FAM83H: variants seen among roughly 807,000 people sequenced by gnomAD.
FAM83H encodes the protein scaffolding CK1 anchoring protein H.
In FAM83H, 24 loss-of-function variants were observed where a neutral mutation model predicts 30.2. The observed-to-expected ratio is 0.79, with a 90% CI of 0.57 to 1.12. The LOEUF (loss-of-function observed/expected upper bound fraction) is 1.12. FAM83H is among the 50% of genes most tolerant of loss of function. The pLI, the probability that FAM83H is intolerant of heterozygous loss-of-function variation, is 0.00. For missense variants in FAM83H, 2,038 were observed against 1,773.9 expected, an observed-to-expected ratio of 1.15 and a Z score of -2.67; for synonymous variants, 1,013 against 821.7, an observed-to-expected ratio of 1.23 and a Z score of -3.98.
At chr8:143,728,807 C>T (rs1818408352) in intron 4 of FAM83H, 84 bp from the exon 5 acceptor site, 3 of 1,597,384 alleles carry the variant, frequency 1.9e-6, no homozygotes, top group Non-Finnish European at 1.7e-6. Flanking sequence ...GCGCGGAGGA[C>T]GCAGGGATGT....
chr8:143,727,431 T>C lies in FAM83H; in HGVS notation c.2030A>G (p.Gln677Arg). The C allele has an allele frequency of 6.4e-7, 1 of 1,572,632 alleles. No individual in the cohort carries two copies. The highest frequency in any genetic ancestry group is 8.6e-7 in the Non-Finnish European group (1 of 1,167,080). Residue 677 changes from glutamine (Q) to arginine (R), a missense_variant, in exon 5 of 5, where the codon CAG (glutamine) becomes CGG (arginine). Transcript: ENST00000388913. ...SFRSRLNPLV[Q>R]RSSRLRSSLI... is the part of the protein sequence containing the mutation. ...CGAGGAGCGCAGCCTGGAGCTGCGC[T>C]GGACCAGGGGGTTCAGGCGCGAGCG...
chr8:143,726,097 G>A lies in FAM83H; in HGVS notation c.3364C>T (p.Arg1122Cys), dbSNP rs782229510. 1.5e-5 allele frequency: 24 copies of A among 1,611,090 alleles called. No individual in the cohort carries two copies. Among genetic ancestry groups the A allele is most frequent in the Admixed American group, 5.0e-5 (3 of 59,838 alleles). Residue 1122 changes from arginine to cysteine, a missense_variant, in exon 5 of 5, where the codon CGC becomes TGC. By Grantham distance (180) the Arg-to-Cys change is radical. Coordinates refer to ENST00000388913, the MANE Select transcript of FAM83H (RefSeq NM_198488.5). ...TTCTCCTTGCGCATGCTCTCCATGC[G>A]GCGCAGCAGCCGATCGCGCTCCTCC... ...SAEERDRLLRRMESMRKEKRV... is the reference protein window; with the variant it reads ...SAEERDRLLRCMESMRKEKRV...
Position 143,727,456 on chromosome 8 carries a change from G to C in FAM83H, c.2005C>G (p.Arg669Gly). Reference protein sequence around the residue: ...EPGLAKQDSFRSRLNPLVQRS... With the variant: ...EPGLAKQDSFGSRLNPLVQRS... ...TGGACCAGGGGGTTCAGGCGCGAGC[G>C]GAATGAGTCCTGCTTGGCCAGGCCA... The change falls in exon 5 of 5, where the codon CGC (arginine) becomes GGC (glycine). Residue 669 changes from arginine to glycine, a missense_variant. By Grantham distance (125) the Arg-to-Gly change is moderately radical. Transcript: ENST00000388913. 1.9e-6 allele frequency: 3 copies of C among 1,570,166 alleles called. No homozygotes were observed. Among genetic ancestry groups the C allele is most frequent in the African/African-American group, 1.3e-5 (1 of 74,580 alleles).
In FAM83H at chr8:143,726,026, G is replaced by A. The variant is rs561657604; in HGVS notation, c.3435C>T (p.Ala1145=). The change falls in exon 5 of 5, where the codon GCC becomes GCT. Residue 1145 remains alanine (A), a synonymous_variant. Coordinates refer to ENST00000388913, the MANE Select transcript of FAM83H (RefSeq NM_198488.5). ...GGCCTTCCCCTGCCCCAGGGCTGCTGGCCTCCTCTTTCTTGCAGAAGACCT... is the reference window on the plus strand; with the variant it reads ...GGCCTTCCCCTGCCCCAGGGCTGCTAGCCTCCTCTTTCTTGCAGAAGACCT... ...RFEVFCKKEE[A]SSPGAGEGPA... 195 of 1,612,878 alleles carry A rather than the reference G, an allele frequency of 1.2e-4. 2 individuals are homozygous for A. In the South Asian group the frequency reaches 2.1e-3, roughly 17 times the overall value.
Position 143,726,565 on chromosome 8 carries a change from A to C in FAM83H, c.2896T>G (p.Ser966Ala). The change falls in exon 5 of 5, where the codon TCC becomes GCC. Residue 966 changes from serine to alanine, a missense_variant. By Grantham distance (99) the Ser-to-Ala change is moderately conservative (BLOSUM62 1). Coordinates refer to ENST00000388913, the MANE Select transcript of FAM83H (RefSeq NM_198488.5). ...CTCAGCAGCTGCCTAAGACGCAAGG[A>C]GCCTTTGCGCAGGACTTCCATGGGG... is the stretch of plus-strand genomic sequence containing the variant. ...SGPMEVLRKG[S>A]LRLRQLLSPK... 1 of 1,603,472 alleles carries C rather than the reference A, an allele frequency of 6.2e-7. No homozygotes were observed. Among genetic ancestry groups the C allele is most frequent in the Non-Finnish European group, 8.5e-7 (1 of 1,178,792 alleles).
chr8:143,730,511 G>T lies in FAM83H; in HGVS notation c.72C>A (p.Tyr24Ter). ...CCACCGCCAGGCGGTAGTACTCTTT[G>T]TAGTGAGGCGGCAGGTACCCGGGTG... The part of the protein sequence containing the change: ...PLAPGYLPPH[Y>*]KEYYRLAVDA... Residue 24 changes from tyrosine (Y) to a stop codon, truncating the protein, a stop_gained, in exon 2 of 5, where the codon TAC (tyrosine) becomes TAA (stop). Coordinates refer to ENST00000388913, the MANE Select transcript of FAM83H (RefSeq NM_198488.5). LOFTEE classifies it high-confidence loss of function. 1.3e-6 allele frequency: 2 copies of T among 1,590,244 alleles called. No individual in the cohort carries two copies. Among genetic ancestry groups the T allele is most frequent in the Non-Finnish European group, 1.7e-6 (2 of 1,165,400 alleles).
rs1311967399 is a variant in FAM83H, at chr8:143,730,353, T to C, written c.230A>G (p.Glu77Gly). ...GTCGAGAAGGCTGCCTTCAGGTGGC[T>C]CTCGGGTAACATACTGCGGAGGCCG... is the stretch of plus-strand genomic sequence containing the variant. ...HLRPPQYVTR[E>G]PPEGSLLDVD... The change falls in exon 2 of 5, where the codon GAG becomes GGG. Residue 77 changes from glutamate (E) to glycine (G), a missense_variant. By Grantham distance (98) the Glu-to-Gly change is moderately conservative (BLOSUM62 -2). Transcript: ENST00000388913. 6 of 1,613,726 alleles carry C rather than the reference T, an allele frequency of 3.7e-6. No homozygotes were observed. Among genetic ancestry groups the C allele is most frequent in the Non-Finnish European group, 5.1e-6 (6 of 1,180,032 alleles).
At position 143,726,371 on chromosome 8, in the gene FAM83H, G is replaced by A. The variant is rs970556209; in HGVS notation, c.3090C>T (p.Ala1030=). The A allele has an allele frequency of 6.2e-7, 1 of 1,611,042 alleles. No individual in the cohort carries two copies. The highest frequency in any genetic ancestry group is 2.2e-5 in the East Asian group (1 of 44,830). ...RARLSSATAN[A]LYSSNLRDDT... Reference sequence around the variant, plus strand: ...CATCCCGAAGGTTGCTGCTGTACAAGGCGTTGGCCGTGGCTGAGGACAGGC... The same window carrying A: ...CATCCCGAAGGTTGCTGCTGTACAAAGCGTTGGCCGTGGCTGAGGACAGGC... Residue 1030 remains alanine (A), a synonymous_variant, in exon 5 of 5, where the codon GCC becomes GCT. Coordinates refer to ENST00000388913, the MANE Select transcript of FAM83H (RefSeq NM_198488.5).
At chr8:143,731,137 TCA>T (rs1818505515) in intron 1 of FAM83H, among the ~76,000 whole-genome samples, 2 of 147,514 alleles carry the variant, frequency 1.4e-5, no homozygotes, top group Admixed American at 6.7e-5. Context: ...CCCAAATATT[TCA>T]TGACTGTTGG....
chr8:143,730,153 T>C lies in FAM83H; in HGVS notation c.430A>G (p.Ile144Val). The change falls in exon 2 of 5, where the codon ATC (isoleucine) becomes GTC (valine). Residue 144 changes from isoleucine to valine, a missense_variant. Ile to Val is a conservative substitution (Grantham distance 29). Coordinates refer to ENST00000388913, the MANE Select transcript of FAM83H (RefSeq NM_198488.5). The part of the protein sequence containing the change: ...PSIKDEARRM[I>V]RSAQQVVAVV... ...TGGCGCACCTGCTGGGCGGAACGGA[T>C]CATCCTGCGGGCCTCATCCTTGATA... 1 of 1,585,436 alleles carries C rather than the reference T, an allele frequency of 6.3e-7. No individual in the cohort carries two copies. The highest frequency in any genetic ancestry group is 8.6e-7 in the Non-Finnish European group (1 of 1,162,400).
chr8:143,732,819 C>T (rs534273187), intron 1 of FAM83H: 10 of 794,220 alleles, frequency 1.3e-5, no homozygotes, highest in Admixed American at 6.2e-5. Context: ...GGAGGGAGGG[C>T]GCGGAACCCA....
At chr8:143,732,901 G>A (rs2129710921) in intron 1 of FAM83H, among the ~76,000 whole-genome samples, 1 of 152,014 alleles carries the variant, frequency 6.6e-6, no homozygotes, top group East Asian at 1.9e-4. Context: ...CGAAGTCAGG[G>A]CCCTCAGCTG....
rs1232347178 is a variant in FAM83H at position 143,733,104 on chromosome 8, C to G, written c.-16+587G>C. 1 of 154,512 alleles carries G rather than the reference C, an allele frequency of 6.5e-6. No homozygotes were observed. Among genetic ancestry groups the G allele is most frequent in the Admixed American group, 6.5e-5 (1 of 15,296 alleles). The allele number at this position is 154,512 out of a possible 1,614,324, so 9.6% of individuals were successfully genotyped here. On this transcript the variant is annotated intron_variant, in intron 1 of 4. Coordinates refer to ENST00000388913, the MANE Select transcript of FAM83H (RefSeq NM_198488.5). This position sits in a 1 kb window ranked among gnomAD's most constrained non-coding sequence, Gnocchi z 5.6. ...GGGTGCGGAGGACGGGGCTCACAGA[C>G]CGGAAGTCGCTCAGTGATAACTTGC...
intron 1 of FAM83H, chr8:143,731,926 T>C: frequency 1.0e-6 from 1 of 985,412 alleles, no homozygotes; most frequent in African/African-American, 1.7e-5. Context: ...TACCTCTCCC[T>C]GGAAGGAGAG....
At chr8:143,732,505 A>T (rs1331934222) in intron 1 of FAM83H, 1 of 984,932 alleles carries the variant, frequency 1.0e-6, no homozygotes, top group African/African-American at 1.8e-5. Flanking sequence ...CACTGGGGGG[A>T]CACTCTAGAA....
intron 1 of FAM83H, chr8:143,732,630 A>G: frequency 1.0e-6 from 1 of 985,374 alleles, no homozygotes; most frequent in South Asian, 4.7e-5. Context: ...CCCAGCAGAC[A>G]TGCCTCGTCC....
At position 143,728,495 on chromosome 8, in the gene FAM83H, G is replaced by A. The variant is rs782136856; in HGVS notation, c.966C>T (p.Phe322=). ...PGVGAPTPFS[F]PKRAHLLFPP... ...GGAACAGGAGGTGCGCTCGTTTAGG[G>A]AAGGAGAAGGGGGTTGGCGCCCCGA... Residue 322 remains phenylalanine (F), a synonymous_variant, in exon 5 of 5, where the codon TTC becomes TTT. Coordinates refer to ENST00000388913, the MANE Select transcript of FAM83H (RefSeq NM_198488.5). 3.2e-6 allele frequency: 5 copies of A among 1,555,810 alleles called. No individual in the cohort carries two copies. Among genetic ancestry groups the A allele is most frequent in the Non-Finnish European group, 4.3e-6 (5 of 1,149,770 alleles).
chr8:143,728,694 C>T lies in FAM83H; in HGVS notation c.767G>A (p.Arg256His), dbSNP rs1403103379. Residue 256 changes from arginine (R) to histidine (H), a missense_variant, in exon 5 of 5, where the codon CGC (arginine) becomes CAC (histidine). Transcript: ENST00000388913. The part of the protein sequence containing the change: ...SFMWSFEKIH[R>H]SLAHVFQGEL... The stretch of plus-strand genomic sequence containing the variant: ...TCCTTGGAACACGTGCGCCAGGCTG[C>T]GGTGGATCTTCTCAAAGGACCACAT... The T allele has an allele frequency of 6.2e-7, 1 of 1,600,732 alleles. No homozygotes were observed. The highest frequency in any genetic ancestry group is 8.5e-7 in the Non-Finnish European group (1 of 1,179,866).
chr8:143,729,181 C>T lies in FAM83H; in HGVS notation c.590G>A (p.Arg197His). ...QHFLDMADKC[R>H]VNLQHVDFLR... ...CACATCCACGTGCTGCAGGTTGACA[C>T]GGCACTTGTCGGCCATGTCCAGGAA... is the stretch of plus-strand genomic sequence containing the variant. The change falls in exon 3 of 5, where the codon CGT (arginine) becomes CAT (histidine). Residue 197 changes from arginine (R) to histidine (H), a missense_variant. Physicochemically the swap from Arg to His is conservative, Grantham distance 29 (BLOSUM62 0). Transcript: ENST00000388913. The T allele has an allele frequency of 2.5e-6, 4 of 1,613,744 alleles. No individual in the cohort carries two copies. Among genetic ancestry groups the T allele is most frequent in the Non-Finnish European group, 3.4e-6 (4 of 1,180,030 alleles).
Sources: allele counts gnomAD v4.1 joint callset (sites outside exome capture counted in the v4.1 genomes callset), GRCh38; gene constraint gnomAD v4.1.1; non-coding constraint Gnocchi (gnomAD v3.1); transcripts MANE v1.5; gene names NCBI Gene and HGNC (gene_info 2026-07-23, HGNC 2026-07-21).